Variants in PTPRD observed in about 807,000 individuals in gnomAD.
The protein encoded by PTPRD is protein tyrosine phosphatase receptor type D.
In PTPRD, 34 loss-of-function variants were observed where a neutral mutation model predicts 214.5. That is an observed-to-expected ratio of 0.16 (90% CI 0.12 to 0.21). The LOEUF (loss-of-function observed/expected upper bound fraction) is 0.21. Among genes scored for constraint, PTPRD ranks in the 10% least tolerant of loss-of-function variants. The probability of loss-of-function intolerance (pLI) is 1.00; values close to 1 mark genes in which losing one functional copy is unlikely to be tolerated. For missense variants in PTPRD, 2,545 were observed against 2,398.7 expected (o/e 1.06, Z -1.27); for synonymous variants, 1,128 against 845.7 (o/e 1.33, Z -5.79).
chr9:9,934,425 C>G (rs2088261815), intron 5 of PTPRD, among the ~76,000 whole-genome samples: 1 of 135,548 alleles, frequency 7.4e-6, no homozygotes, highest in African/African-American at 2.8e-5. Flanking sequence ...AGACAAACTA[C>G]CATCAGAGAA....
chr9:9,903,204 TATGA>T (rs1401544058), intron 5 of PTPRD, among the ~76,000 whole-genome samples: 3 of 152,146 alleles, frequency 2.0e-5, no homozygotes, highest in Admixed American at 2.0e-4. Flanking sequence ...ATTGCATGCA[TATGA>T]ATGAATGCAT....
intron 11 of PTPRD, among the ~76,000 whole-genome samples, chr9:8,940,280 CTTTT>C (rs34342718): frequency 6.7e-5 from 6 of 89,054 alleles, no homozygotes; most frequent in African/African-American, 2.2e-4. Context: ...TCTCTCTCTC[CTTTT>C]TTTTTTTTTT....
chr9:9,431,542 T>C (rs963075014), intron 8 of PTPRD, among the ~76,000 whole-genome samples: 1 of 152,150 alleles, frequency 6.6e-6, no homozygotes, highest in Non-Finnish European at 1.5e-5. Context: ...GACCCAGCCA[T>C]CTCATTACTG....
intron 5 of PTPRD, among the ~76,000 whole-genome samples, chr9:9,781,832 G>A (rs1421471058): frequency 2.1e-5 from 3 of 145,110 alleles, no homozygotes; most frequent in African/African-American, 5.2e-5. Context: ...TCGCTCTGTC[G>A]CCCAGGCTGG....
intron 3 of PTPRD, among the ~76,000 whole-genome samples, chr9:10,107,945 G>A (rs66496640): frequency 6.6e-6 from 1 of 151,972 alleles, no homozygotes; most frequent in Non-Finnish European, 1.5e-5. Flanking sequence ...TAGTGTAAAA[G>A]TCATTGGTTC....
At chr9:10,150,811 G>A (rs1203793796) in intron 3 of PTPRD, among the ~76,000 whole-genome samples, 1 of 152,008 alleles carries the variant, frequency 6.6e-6, no homozygotes, top group African/African-American at 2.4e-5. Flanking sequence ...AACATTTACT[G>A]TGGGTAGTAA....
At chr9:10,375,081 T>G (rs563616196) in intron 2 of PTPRD, among the ~76,000 whole-genome samples, 1 of 150,320 alleles carries the variant, frequency 6.7e-6, no homozygotes, top group East Asian at 1.9e-4. Context: ...TTTATGTAAA[T>G]TGGCTGGATC....
At chr9:8,584,286 G>A (rs1363985551) in intron 14 of PTPRD, among the ~76,000 whole-genome samples, 1 of 152,018 alleles carries the variant, frequency 6.6e-6, no homozygotes, top group African/African-American at 2.4e-5. Context: ...TCATCAATGA[G>A]AAAAGAAATC....
chr9:8,328,002 C>T (rs781290628), intron 44 of PTPRD, among the ~76,000 whole-genome samples: 2 of 152,134 alleles, frequency 1.3e-5, no homozygotes, highest in African/African-American at 2.4e-5. Flanking sequence ...TAATTGGGGG[C>T]ATTTAGCCTA....
chr9:9,980,722 T>A (rs900705797), intron 4 of PTPRD, among the ~76,000 whole-genome samples: 3 of 72,948 alleles, frequency 4.1e-5, no homozygotes, highest in Non-Finnish European at 6.3e-5. Flanking sequence ...GAAAAAAAAA[T>A]TAACACTGGA....
chr9:10,580,466 G>C (rs2071343020), intron 2 of PTPRD, among the ~76,000 whole-genome samples: 1 of 151,990 alleles, frequency 6.6e-6, no homozygotes, highest in African/African-American at 2.4e-5. Context: ...TTTGGTTCTT[G>C]TATATTTTCT....
At chr9:8,739,953 G>T (rs886986435) in intron 11 of PTPRD, among the ~76,000 whole-genome samples, 1 of 152,088 alleles carries the variant, frequency 6.6e-6, no homozygotes, top group Admixed American at 6.6e-5. Flanking sequence ...ATTGTGAGGC[G>T]TCCCCAGCCA....
chr9:8,587,790 G>A (rs2093784367), intron 14 of PTPRD, among the ~76,000 whole-genome samples: 1 of 152,170 alleles, frequency 6.6e-6, no homozygotes, highest in Non-Finnish European at 1.5e-5. Flanking sequence ...CACTTAGTAG[G>A]AAAGGACAAA....
chr9:10,059,000 T>C (rs2097708348), intron 3 of PTPRD, among the ~76,000 whole-genome samples: 1 of 152,134 alleles, frequency 6.6e-6, no homozygotes, highest in Non-Finnish European at 1.5e-5. Flanking sequence ...AAATAAAATA[T>C]ATAAATAAAT....
intron 3 of PTPRD, among the ~76,000 whole-genome samples, chr9:10,162,215 A>G (rs1346981465): frequency 1.3e-5 from 2 of 151,592 alleles, no homozygotes; most frequent in African/African-American, 4.8e-5. Flanking sequence ...GAGAAAAAAT[A>G]ATGAGTAAAT....
chr9:10,185,809 T>A (rs139325294), intron 3 of PTPRD, among the ~76,000 whole-genome samples: 115 of 152,210 alleles, frequency 7.6e-4, no homozygotes, highest in African/African-American at 2.6e-3. Context: ...ACTTGTTTCC[T>A]GGGAAGCATC....
At chr9:10,227,780 C>T (rs868015550) in intron 3 of PTPRD, among the ~76,000 whole-genome samples, 1 of 151,904 alleles carries the variant, frequency 6.6e-6, no homozygotes, top group Non-Finnish European at 1.5e-5. Flanking sequence ...GAAAACATTC[C>T]TTCAACACTG....
intron 3 of PTPRD, among the ~76,000 whole-genome samples, chr9:10,042,945 TTAATC>T (rs768300153): frequency 5.3e-5 from 8 of 151,958 alleles, no homozygotes; most frequent in Non-Finnish European, 1.2e-4. Context: ...GTTGAAGAGT[TTAATC>T]TAAGAGATCA....
intron 8 of PTPRD, among the ~76,000 whole-genome samples, chr9:9,481,418 A>G (rs1257142285): frequency 1.3e-5 from 2 of 152,138 alleles, no homozygotes; most frequent in African/African-American, 4.8e-5. Context: ...ATAATATGTC[A>G]AAATAGCATA....
Sources: allele counts gnomAD v4.1 joint callset (sites outside exome capture counted in the v4.1 genomes callset), GRCh38; gene constraint gnomAD v4.1.1; transcripts MANE v1.5; gene names NCBI Gene and HGNC (gene_info 2026-07-23, HGNC 2026-07-21).